The following PFAS variants were observed in gnomAD, a reference collection of about 807,000 sequenced individuals.
PFAS encodes phosphoribosylformylglycinamidine synthase.
Under a neutral mutation model 140.6 loss-of-function variants are expected in PFAS, and 97 were observed. The observed-to-expected ratio is 0.69, with a 90% CI of 0.59 to 0.82. The LOEUF is 0.82. Ranked by LOEUF, PFAS falls within the 40% of genes least tolerant of loss-of-function variation. PFAS has a pLI of 0.00. For missense variants in PFAS, 1,656 were observed against 1,780.2 expected (o/e 0.93, Z 1.26); for synonymous variants, 679 against 718.8 (o/e 0.94, Z 0.88).
At position 8,267,897 on chromosome 17, in the gene PFAS, A is replaced by G. The variant is rs1028764390; in HGVS notation, c.3382+232A>G. 2.8e-5 allele frequency among the ~76,000 whole-genome samples: 3 copies of G among 105,724 alleles called. No homozygotes were observed. The highest frequency in any genetic ancestry group is 7.5e-5 in the Non-Finnish European group (3 of 40,068). 69.4% of individuals were successfully genotyped at this position (105,724 alleles called of 152,430 possible). A position where few individuals can be genotyped will look rare whatever the true frequency, so the allele number is the denominator to read the frequency against. On this transcript the variant is annotated intron_variant, in intron 26 of 27. Coordinates refer to ENST00000314666, the MANE Select transcript of PFAS (RefSeq NM_012393.3). The surrounding 1 kb of genome is among the most constrained non-coding windows in gnomAD (Gnocchi z 4.9). ...AATTAAAATATATATTATTAAATAT[A>G]TATTATTTATATATATTATTTATAT... is the stretch of plus-strand genomic sequence containing the variant.
chr17:8,257,012 C>T (rs759738338), intron 9 of PFAS, 49 bp downstream of exon 9: 2 of 1,605,562 alleles, frequency 1.2e-6, no homozygotes, highest in South Asian at 1.1e-5. Context: ...ATTCCTTGTC[C>T]TGGCAGGCAG....
Position 8,264,455 on chromosome 17 carries a change from C to A in PFAS, c.1918-15C>A. The A allele has an allele frequency of 6.2e-7, 1 of 1,613,460 alleles. No homozygotes were observed. The highest frequency in any genetic ancestry group is 1.1e-5 in the South Asian group (1 of 91,084). ...CCCCAGGTGTTCACACTGCCTGTCG[C>A]TGTCTGTGTTGCAGGAGTTCTTCCT... On this transcript the variant is annotated splice_polypyrimidine_tract_variant and intron_variant, in intron 16 of 27. Transcript: ENST00000314666.
upstream of PFAS, chr17:8,247,990 A>C: frequency 6.2e-7 from 1 of 1,603,978 alleles, no homozygotes; most frequent in South Asian, 1.1e-5. Context: ...AAGAGACGTA[A>C]TAGCAGCACT....
In PFAS at chr17:8,267,878, AATATATATTATTAAATATATATTATTT is replaced by A. The variant is rs1989883459; in HGVS notation, c.3382+226_3382+252del. 6.8e-6 allele frequency among the ~76,000 whole-genome samples: 1 copy of A among 146,274 alleles called. No homozygotes were observed. The highest frequency in any genetic ancestry group is 2.5e-5 in the African/African-American group (1 of 40,212). ...TATATATATACACATATGTAATTAA[AATATATATTATTAAATATATATTATTT>A]ATATATATTATTTATATATTATTAA... On this transcript the variant is annotated intron_variant, in intron 26 of 27. Transcript: ENST00000314666. The surrounding 1 kb of genome is among the most constrained non-coding windows in gnomAD (Gnocchi z 4.9).
chr17:8,256,204 A>G (rs1257727732), intron 6 of PFAS, 63 bp from the exon 7 acceptor site: 2 of 1,535,586 alleles, frequency 1.3e-6, no homozygotes, highest in Non-Finnish European at 1.8e-6. Flanking sequence ...TGGTGAGAAG[A>G]CATGGCATTA....
rs749154088 is a variant in PFAS, at chr17:8,263,760, G to A, written c.1630-15G>A. 2.6e-5 allele frequency: 42 copies of A among 1,611,470 alleles called. 1 individual carries two copies. The highest frequency in any genetic ancestry group is 1.6e-4 in the Middle Eastern group (1 of 6,080). On this transcript the variant is annotated splice_polypyrimidine_tract_variant and intron_variant, in intron 14 of 27. Coordinates refer to ENST00000314666, the MANE Select transcript of PFAS (RefSeq NM_012393.3). ...CCACTGGCCCTTCTCTTTCCTCCCC[G>A]CCGTGGCTGTGCAGCTTGGGGACCC...
upstream of PFAS, among the ~76,000 whole-genome samples, chr17:8,248,366 G>A (rs1988960301): frequency 7.0e-6 from 1 of 142,312 alleles, no homozygotes; most frequent in Non-Finnish European, 1.5e-5. Flanking sequence ...TCAGCCTCCT[G>A]AGTAGCTAGG....
In PFAS at chr17:8,266,821, G is replaced by T; in HGVS notation, c.2890G>T (p.Val964Leu). The change falls in exon 23 of 28, where the codon GTG becomes TTG. Residue 964 changes from valine (V) to leucine (L), a missense_variant. By Grantham distance (32) the Val-to-Leu change is conservative. This residue lies in a region of PFAS where 883 missense variants were observed against 1,023.0 expected (regional missense o/e 0.86). Transcript: ENST00000314666. This position sits in a 1 kb window ranked among gnomAD's most constrained non-coding sequence, Gnocchi z 5.0. Reference sequence around the variant, plus strand: ...GGTGCAGGAGCCAGACCTGGCCCAGGTGCTGAAGCGTTACCGGGATGCTGG... The same window carrying T: ...GGTGCAGGAGCCAGACCTGGCCCAGTTGCTGAAGCGTTACCGGGATGCTGG... Reference protein sequence around the residue: ...LEVQEPDLAQVLKRYRDAGLH... With the variant: ...LEVQEPDLAQLLKRYRDAGLH... The T allele has an allele frequency of 6.2e-7, 1 of 1,611,908 alleles. No homozygotes were observed.
chr17:8,254,123 T>C, intron 2 of PFAS, 43 bp from the exon 3 acceptor site: 1 of 1,613,966 alleles, frequency 6.2e-7, no homozygotes, highest in Non-Finnish European at 8.5e-7. Context: ...GCCTCGGTGC[T>C]GGGGGCAGTG....
chr17:8,264,574 G>A lies in PFAS; in HGVS notation c.2022G>A (p.Val674=), dbSNP rs866679677. 6.2e-7 allele frequency: 1 copy of A among 1,613,312 alleles called. No individual in the cohort carries two copies. Residue 674 remains valine (V), a synonymous_variant, in exon 17 of 28, where the codon GTG becomes GTA. Coordinates refer to ENST00000314666, the MANE Select transcript of PFAS (RefSeq NM_012393.3). ...AGAGGGTTCTGAGGCTGCCCGCCGT[G>A]GCCAGCAAGCGCTACCTCACCAATA... ...ALERVLRLPA[V]ASKRYLTNKV...
At chr17:8,254,140 G>A (rs1340472176) in intron 2 of PFAS, 26 bp from the exon 3 acceptor site, 2 of 1,613,932 alleles carry the variant, frequency 1.2e-6, no homozygotes, top group South Asian at 1.1e-5. Flanking sequence ...AGTGTCTCAA[G>A]GTGTCCTTGC....
intron 1 of PFAS, among the ~76,000 whole-genome samples, chr17:8,252,301 G>T (rs1989186688): frequency 6.6e-6 from 1 of 151,530 alleles, no homozygotes; most frequent in Non-Finnish European, 1.5e-5. Flanking sequence ...CAAAAAAAAA[G>T]AAAAAGAAAA....
chr17:8,260,577 T>C (rs1014579492), intron 11 of PFAS, among the ~76,000 whole-genome samples: 1 of 152,246 alleles, frequency 6.6e-6, no homozygotes, highest in African/African-American at 2.4e-5. Context: ...TTTTAGCTAT[T>C]ATGCATAATG....
intron 11 of PFAS, among the ~76,000 whole-genome samples, chr17:8,258,476 T>G (rs1989462497): frequency 6.6e-6 from 1 of 152,188 alleles, no homozygotes. Context: ...TCCAGGAATT[T>G]TGTACACTTG....
Position 8,255,806 on chromosome 17 carries a change from T to C in PFAS, c.576T>C (p.Gly192=). ...LALEKANQEL[G]LALDSWDLDF... is the part of the protein sequence containing the mutation. Reference sequence around the variant, plus strand: ...CCTCTTCCTGGATTTGTCTCCTAGGTCTGGCTTTAGACTCTTGGGACCTAG... The same window carrying C: ...CCTCTTCCTGGATTTGTCTCCTAGGCCTGGCTTTAGACTCTTGGGACCTAG... The change falls in exon 6 of 28, where the codon GGT becomes GGC. Residue 192 remains glycine (G), a splice_region_variant and synonymous_variant. Coordinates refer to ENST00000314666, the MANE Select transcript of PFAS (RefSeq NM_012393.3). 1.9e-6 allele frequency: 3 copies of C among 1,613,582 alleles called. No homozygotes were observed. Among genetic ancestry groups the C allele is most frequent in the Non-Finnish European group, 2.5e-6 (3 of 1,179,548 alleles).
intron 1 of PFAS, among the ~76,000 whole-genome samples, chr17:8,251,147 A>G (rs1989134294): frequency 6.6e-6 from 1 of 152,086 alleles, no homozygotes; most frequent in South Asian, 2.1e-4. Context: ...TTAGCTGGTC[A>G]TGGTGGTGTG....
At chr17:8,247,914 C>G, upstream of PFAS, 1 of 1,401,438 alleles carries the variant, frequency 7.1e-7, no homozygotes, top group Non-Finnish European at 9.9e-7. Context: ...GCCAGCGAGC[C>G]CAGAGAGACA....
In PFAS at chr17:8,258,194, A is replaced by C; in HGVS notation, c.1331A>C (p.Glu444Ala). The change falls in exon 11 of 28, where the codon GAG becomes GCG. Residue 444 changes from glutamate (E) to alanine (A), a missense_variant. Physicochemically the swap from Glu to Ala is moderately radical, Grantham distance 107 (BLOSUM62 -1). Coordinates refer to ENST00000314666, the MANE Select transcript of PFAS (RefSeq NM_012393.3). ...GACCACATAAGCAAGGAGGCCCCAG[A>C]GCCAGGTAAGAGCCTGCCACCTTTC... is the stretch of plus-strand genomic sequence containing the variant. ...EADHISKEAP[E>A]PGMEVVKVGG... 1 of 1,613,992 alleles carries C rather than the reference A, an allele frequency of 6.2e-7. No individual in the cohort carries two copies.
Position 8,254,220 on chromosome 17 carries a change from G to A in PFAS, c.197G>A (p.Cys66Tyr), listed in dbSNP as rs745378070. 1.9e-6 allele frequency: 3 copies of A among 1,614,030 alleles called. No homozygotes were observed. The Admixed American group carries it at 5.0e-5, about 27-fold the overall frequency. ...ETKKLMWLFGCPLLLDDVARE... is the reference protein window; with the variant it reads ...ETKKLMWLFGYPLLLDDVARE... ...AAGAAGCTGATGTGGCTGTTTGGTT[G>A]CCCCTTACTGCTGGATGATGTTGCT... Residue 66 changes from cysteine to tyrosine, a missense_variant, in exon 3 of 28, where the codon TGC becomes TAC. By Grantham distance (194) the Cys-to-Tyr change is radical (BLOSUM62 -2). Transcript: ENST00000314666.
Sources: gnomAD v4.1 joint callset for allele counts (sites outside exome capture counted in the v4.1 genomes callset) on GRCh38, gnomAD v4.1.1 for gene constraint, gnomAD v4.1.1 regional missense constraint, Gnocchi (gnomAD v3.1) non-coding constraint, MANE v1.5 for transcripts, NCBI Gene and HGNC (gene_info 2026-07-23, HGNC 2026-07-21) for gene names.